Variants in NKAIN3 observed in about 807,000 individuals in gnomAD.
NKAIN3 encodes the protein sodium/potassium transporting ATPase interacting 3, also known as sodium/potassium-transporting ATPase subunit beta-1-interacting protein 3.
Under a neutral mutation model 30.2 loss-of-function variants are expected in NKAIN3, and 25 were observed. The ratio of observed to expected loss-of-function variants is 0.83; its 90% CI spans 0.60 to 1.16. The LOEUF is 1.16. NKAIN3 is among the 50% of genes most tolerant of loss of function. The pLI, the probability that NKAIN3 is intolerant of heterozygous loss-of-function variation, is 0.00. For missense variants in NKAIN3, 225 were observed against 254.1 expected (o/e 0.89, Z 0.78); for synonymous variants, 91 against 89.6 (o/e 1.02, Z -0.09).
rs1396315312 is a variant in NKAIN3, at chr8:62,675,921, CTTT to C, written c.274-71010_274-71008del. On this transcript the variant is annotated intron_variant, in intron 3 of 6. Coordinates refer to ENST00000623646, the MANE Select transcript of NKAIN3 (RefSeq NM_001304533.3). The stretch of plus-strand genomic sequence containing the variant: ...ATTTGACATTGTTTTCTCTATTATC[CTTT>C]ATATTTATTTAAAATACCCACCCAC... Among the ~76,000 whole-genome samples, 7 of 152,064 alleles carry C rather than the reference CTTT, an allele frequency of 4.6e-5. No individual in the cohort carries two copies. In the East Asian group the frequency reaches 1.3e-3, roughly 29 times the overall value.
At chr8:62,569,923 A>G (rs922742982) in intron 1 of NKAIN3, among the ~76,000 whole-genome samples, 1 of 152,198 alleles carries the variant, frequency 6.6e-6, no homozygotes, top group African/African-American at 2.4e-5. Flanking sequence ...TATTTATCAC[A>G]TGAATTCCTA....
intron 5 of NKAIN3, among the ~76,000 whole-genome samples, chr8:62,940,482 C>A (rs537960459): frequency 1.3e-5 from 2 of 152,182 alleles, no homozygotes; most frequent in South Asian, 4.1e-4. Context: ...TTCATAAGCA[C>A]ATGGAACATT....
At chr8:62,905,470 C>G (rs1215601626) in intron 4 of NKAIN3, among the ~76,000 whole-genome samples, 3 of 152,152 alleles carry the variant, frequency 2.0e-5, no homozygotes, top group Non-Finnish European at 4.4e-5. Context: ...ATAAAACTCA[C>G]CTTTAAGAAA....
chr8:62,997,755 T>TTAA (rs201520343), intron 5 of NKAIN3, among the ~76,000 whole-genome samples: 2,730 of 145,558 alleles, frequency 0.019, 86 homozygotes, highest in African/African-American at 0.064. Flanking sequence ...CTCTTTTCTT[T>TTAA]AAAAAAAAAA....
At chr8:62,267,874 C>T (rs1459768436) in intron 1 of NKAIN3, among the ~76,000 whole-genome samples, 1 of 152,140 alleles carries the variant, frequency 6.6e-6, no homozygotes, top group African/African-American at 2.4e-5. Flanking sequence ...CATTTAGAAA[C>T]ATTTATAGCA....
intron 3 of NKAIN3, among the ~76,000 whole-genome samples, chr8:62,600,740 A>C (rs1810962598): frequency 6.6e-6 from 1 of 152,036 alleles, no homozygotes; most frequent in Non-Finnish European, 1.5e-5. Context: ...ATAGCACCTT[A>C]TTGTCCTCTT....
chr8:62,421,991 G>T (rs1464477043), intron 1 of NKAIN3, among the ~76,000 whole-genome samples: 1 of 152,034 alleles, frequency 6.6e-6, no homozygotes, highest in Non-Finnish European at 1.5e-5. Context: ...CGGTGAACAG[G>T]AATCTGCATT....
chr8:62,411,132 T>G (rs1008630218), intron 1 of NKAIN3, among the ~76,000 whole-genome samples: 1 of 152,156 alleles, frequency 6.6e-6, no homozygotes, highest in Admixed American at 6.5e-5. Flanking sequence ...CTGGTGAACA[T>G]AGATATAAAA....
At chr8:62,894,388 C>T (rs1821374178) in intron 4 of NKAIN3, among the ~76,000 whole-genome samples, 1 of 152,102 alleles carries the variant, frequency 6.6e-6, no homozygotes, top group South Asian at 2.1e-4. Flanking sequence ...CTTGAACACT[C>T]GAGGAACTCA....
intron 3 of NKAIN3, among the ~76,000 whole-genome samples, chr8:62,714,548 T>A (rs565887068): frequency 5.3e-5 from 8 of 152,172 alleles, no homozygotes; most frequent in African/African-American, 1.9e-4. Context: ...TATACATTAT[T>A]GTTCTTCACA....
At chr8:62,822,565 C>A (rs1818881362) in intron 4 of NKAIN3, among the ~76,000 whole-genome samples, 1 of 152,032 alleles carries the variant, frequency 6.6e-6, no homozygotes, top group Non-Finnish European at 1.5e-5. Flanking sequence ...ATGTTTGAAC[C>A]CAGTTTGGAA....
chr8:62,443,890 C>G (rs1263760984), intron 1 of NKAIN3, among the ~76,000 whole-genome samples: 3 of 152,076 alleles, frequency 2.0e-5, no homozygotes, highest in African/African-American at 7.2e-5. Context: ...ATGCTCCAAG[C>G]AGTCTTGTAA....
chr8:62,438,488 C>T (rs964917818), intron 1 of NKAIN3, among the ~76,000 whole-genome samples: 1 of 152,162 alleles, frequency 6.6e-6, no homozygotes, highest in African/African-American at 2.4e-5. Flanking sequence ...CCTCAGGTTC[C>T]CTACCGTGTT....
At chr8:62,452,513 C>T (rs545681871) in intron 1 of NKAIN3, among the ~76,000 whole-genome samples, 2 of 152,088 alleles carry the variant, frequency 1.3e-5, no homozygotes, top group African/African-American at 4.8e-5. Flanking sequence ...AACAAACAAA[C>T]AAATAGAATT....
intron 4 of NKAIN3, among the ~76,000 whole-genome samples, chr8:62,862,808 G>C (rs1820293520): frequency 1.3e-5 from 2 of 152,186 alleles, no homozygotes; most frequent in African/African-American, 4.8e-5. Flanking sequence ...AGAGAAGTTA[G>C]ATAATATAAG....
At chr8:62,749,559 T>A (rs1816201007) in intron 4 of NKAIN3, among the ~76,000 whole-genome samples, 1 of 152,128 alleles carries the variant, frequency 6.6e-6, no homozygotes, top group African/African-American at 2.4e-5. Context: ...TATCAAGAAA[T>A]TGTTTCACAA....
intron 3 of NKAIN3, among the ~76,000 whole-genome samples, chr8:62,657,898 C>T (rs780669989): frequency 1.2e-4 from 18 of 152,198 alleles, no homozygotes; most frequent in Non-Finnish European, 2.2e-4. Flanking sequence ...TCCTGTCCTT[C>T]AGCAGGCATT....
chr8:62,312,398 C>G (rs1814472224), intron 1 of NKAIN3, among the ~76,000 whole-genome samples: 1 of 150,408 alleles, frequency 6.6e-6, no homozygotes, highest in Non-Finnish European at 1.5e-5. Flanking sequence ...TCTGGCTGCC[C>G]TTGGATTGCA....
In NKAIN3 at chr8:62,979,152, A is replaced by G. The variant is rs909165752; in HGVS notation, c.*13745A>G. The stretch of plus-strand genomic sequence containing the variant: ...CTGGGAGCTGCAGACAGCTGTTCCT[A>G]TTCGGCCATCTTGCCTGGGAATCTG... On this transcript the variant is annotated 3_prime_UTR_variant, in exon 7 of 7. Transcript: ENST00000623646. 1 of 152,110 alleles carries G rather than the reference A, an allele frequency of 6.6e-6. No homozygotes were observed. The highest frequency in any genetic ancestry group is 1.5e-5 in the Non-Finnish European group (1 of 68,070). The allele number at this position is 152,110 out of a possible 1,614,324, so 9.4% of individuals were successfully genotyped here.
Sources: gnomAD v4.1 joint callset for allele counts (sites outside exome capture counted in the v4.1 genomes callset) on GRCh38, gnomAD v4.1.1 for gene constraint, MANE v1.5 for transcripts, NCBI Gene and HGNC (gene_info 2026-07-23, HGNC 2026-07-21) for gene names.